DCST2: variants seen among roughly 807,000 people sequenced by gnomAD.
DCST2 encodes DC-STAMP domain-containing protein 2.
Under a neutral mutation model 81.8 loss-of-function variants are expected in DCST2, and 64 were observed. The observed-to-expected ratio is 0.78, with a 90% CI of 0.64 to 0.96. DCST2 has a LOEUF of 0.96. DCST2 is among the 40% of genes least tolerant of loss of function. The probability of loss-of-function intolerance (pLI) is 0.00; values close to 1 mark genes in which losing one functional copy is unlikely to be tolerated. For synonymous variants in DCST2, 354 were observed against 402.6 expected, an observed-to-expected ratio of 0.88 and a Z score of 1.44; for missense variants, 945 against 1,001.4, an observed-to-expected ratio of 0.94 and a Z score of 0.76.
intron 3 of DCST2, among the ~76,000 whole-genome samples, 194 bp from the exon 4 acceptor site, chr1:155,031,965 C>T (rs889178724): frequency 1.3e-5 from 2 of 152,112 alleles, no homozygotes; most frequent in African/African-American, 4.8e-5. Flanking sequence ...GGTGAGGAGA[C>T]TGAATTTTTT....
chr1:155,026,350 G>C lies in DCST2; in HGVS notation c.1563C>G (p.Ser521Arg), dbSNP rs1218006962. Residue 521 changes from serine to arginine, a missense_variant, in exon 10 of 15, where the codon AGC becomes AGG. Transcript: ENST00000368424. ...FFITLFGSYV[S>R]RLRRVICASY... ...AGGCACAGATGACTCGCCGCAGCCG[G>C]CTGACATAGCTGCCAAACAGGGTGA... 1 of 1,613,844 alleles carries C rather than the reference G, an allele frequency of 6.2e-7. No homozygotes were observed. The highest frequency in any genetic ancestry group is 1.7e-5 in the Admixed American group (1 of 60,026).
intron 12 of DCST2, 155 bp from the exon 13 acceptor site, chr1:155,023,612 A>G (rs1659815461): frequency 1.3e-6 from 2 of 1,546,598 alleles, no homozygotes; most frequent in Non-Finnish European, 1.7e-6. Flanking sequence ...TGCCACTTGC[A>G]TATAAATCCT....
chr1:155,030,779 C>G, intron 5 of DCST2, 134 bp from the exon 6 acceptor site: 2 of 893,126 alleles, frequency 2.2e-6, no homozygotes, highest in Non-Finnish European at 3.4e-6. Flanking sequence ...GTGCTTGGGT[C>G]AAGGTGGACT....
rs1321842318 is a variant in DCST2 at position 155,023,876 on chromosome 1, C to T, written c.1826G>A (p.Gly609Glu). The change falls in exon 12 of 15, where the codon GGA becomes GAA. Residue 609 changes from glycine to glutamate, a missense_variant. Gly to Glu is a moderately conservative substitution (Grantham distance 98). Transcript: ENST00000368424. ...CLGCGQPQDE[G>E]DMENTVSCST... is the part of the protein sequence containing the mutation. ...GCAGGACACAGTGTTCTCCATGTCT[C>T]CCTCATCCTGGGGCTGCCCACAGCC... The T allele has an allele frequency of 1.1e-5, 17 of 1,613,676 alleles. No individual in the cohort carries two copies. Among genetic ancestry groups the T allele is most frequent in the Non-Finnish European group, 1.4e-5 (17 of 1,179,934 alleles).
chr1:155,026,866 G>A, intron 8 of DCST2, 151 bp from the exon 9 acceptor site: 2 of 884,248 alleles, frequency 2.3e-6, no homozygotes, highest in Non-Finnish European at 3.5e-6. Context: ...CACCCTCATG[G>A]TGCCCTGGGG....
Position 155,023,122 on chromosome 1 carries a change from C to T in DCST2, c.2100G>A (p.Glu700=), listed in dbSNP as rs1055863670. Residue 700 remains glutamate (E), a synonymous_variant, in exon 14 of 15, where the codon GAG becomes GAA. Transcript: ENST00000368424. ...GRSLSMESTS[E]SSDLDEEKGP... is the part of the protein sequence containing the mutation. ...AACTCCTGCTTCCTGCTCACCTGGA[C>T]TCGGAAGTGGACTCCATTGAGAGGC... is the stretch of plus-strand genomic sequence containing the variant. The T allele has an allele frequency of 6.2e-7, 1 of 1,612,078 alleles. No homozygotes were observed. Among genetic ancestry groups the T allele is most frequent in the Non-Finnish European group, 8.5e-7 (1 of 1,179,932 alleles).
intron 14 of DCST2, 125 bp downstream of exon 14, chr1:155,022,992 C>T: frequency 2.1e-6 from 3 of 1,430,594 alleles, no homozygotes; most frequent in Non-Finnish European, 2.8e-6. Flanking sequence ...TCAGTTACTT[C>T]CCCTCCCCTC....
chr1:155,025,677 T>C (rs7536751), intron 10 of DCST2, among the ~76,000 whole-genome samples: 151,547 of 151,858 alleles, frequency 1, 75,618 homozygotes, highest in Middle Eastern at 1. Flanking sequence ...TGCCCCCACC[T>C]CACCACCATG....
At chr1:155,027,065 C>T (rs539990468) in intron 8 of DCST2, among the ~76,000 whole-genome samples, 1 of 152,090 alleles carries the variant, frequency 6.6e-6, no homozygotes, top group South Asian at 2.1e-4. Context: ...CAGGGTTTCA[C>T]TTTGTCACCC....
intron 14 of DCST2, among the ~76,000 whole-genome samples, chr1:155,021,116 T>C (rs1411192754): frequency 6.6e-6 from 1 of 151,944 alleles, no homozygotes; most frequent in Non-Finnish European, 1.5e-5. Flanking sequence ...TCTCCTGCCT[T>C]AGCCTCCTGA....
intron 14 of DCST2, 21 bp from the exon 15 acceptor site, chr1:155,018,781 G>T (rs1333683229): frequency 6.2e-7 from 1 of 1,606,732 alleles, no homozygotes; most frequent in East Asian, 2.2e-5. Context: ...GAGGAAGGGG[G>T]TGGCCGGATC....
In DCST2 at chr1:155,033,553, T is replaced by C. The variant is rs775044356; in HGVS notation, c.149A>G (p.His50Arg). Residue 50 changes from histidine to arginine, a missense_variant, in exon 1 of 15, where the codon CAC becomes CGC. Transcript: ENST00000368424. ...GCCCACCAGGCAACCCCAGGGGCTGTGGCCTTCCACCAGTAGCTCCAGAAG... is the reference window on the plus strand; with the variant it reads ...GCCCACCAGGCAACCCCAGGGGCTGCGGCCTTCCACCAGTAGCTCCAGAAG... ...YGLLELLVEG[H>R]SPWGCLVGTL... is the part of the protein sequence containing the mutation. The C allele has an allele frequency of 2.5e-6, 4 of 1,614,124 alleles. No individual in the cohort carries two copies. Among genetic ancestry groups the C allele is most frequent in the Non-Finnish European group, 3.4e-6 (4 of 1,180,018 alleles).
intron 2 of DCST2, 68 bp from the exon 3 acceptor site, chr1:155,032,836 T>A: frequency 6.9e-7 from 1 of 1,442,586 alleles, no homozygotes; most frequent in Non-Finnish European, 9.7e-7. Context: ...CCATTGCCCC[T>A]TAAGCAGGGA....
chr1:155,022,438 C>G (rs772291188), intron 14 of DCST2, among the ~76,000 whole-genome samples: 17 of 152,202 alleles, frequency 1.1e-4, no homozygotes, highest in South Asian at 2.1e-4. Flanking sequence ...AAATCCAGCC[C>G]GTGGCCAGGC....
At chr1:155,023,778 A>G (rs1408875940) in intron 12 of DCST2, 54 bp downstream of exon 12, 1 of 1,608,718 alleles carries the variant, frequency 6.2e-7, no homozygotes, top group African/African-American at 1.3e-5. Flanking sequence ...GGATTGTCAT[A>G]TGCAAGTGGG....
At chr1:155,032,174 T>C (rs1660111415) in intron 3 of DCST2, among the ~76,000 whole-genome samples, 3 of 151,998 alleles carry the variant, frequency 2.0e-5, no homozygotes, top group African/African-American at 4.8e-5. Context: ...TTTGTATTTT[T>C]AGTAGAGACG....
rs998080784 is a variant in DCST2 at position 155,026,496 on chromosome 1, C to G, written c.1510+52G>C. The stretch of plus-strand genomic sequence containing the variant: ...CACATCCTCAGCAGTCTGCACCCCT[C>G]ATTTCCCACATGGTGTCCACGCCCC... On this transcript the variant is annotated intron_variant, in intron 9 of 14. Transcript: ENST00000368424. 1.9e-6 allele frequency: 3 copies of G among 1,612,734 alleles called. No homozygotes were observed. In the South Asian group the frequency reaches 3.3e-5, roughly 18 times the overall value.
At chr1:155,020,657 A>G (rs1659728245) in intron 14 of DCST2, among the ~76,000 whole-genome samples, 1 of 152,042 alleles carries the variant, frequency 6.6e-6, no homozygotes, top group African/African-American at 2.4e-5. Flanking sequence ...GTGAGCCACC[A>G]CACCCAGCCT....
At position 155,030,365 on chromosome 1, in the gene DCST2, T is replaced by G. The variant is rs1660037401; in HGVS notation, c.1019+67A>C. ...GATGCTGGGGCAGGGAGAAATGAGC[T>G]GCTCCCTGCAGCCCTGGCCCTGCAC... On this transcript the variant is annotated intron_variant, in intron 6 of 14. Coordinates refer to ENST00000368424, the MANE Select transcript of DCST2 (RefSeq NM_144622.3). 2.6e-5 allele frequency: 41 copies of G among 1,594,898 alleles called. No homozygotes were observed. In the South Asian group the frequency reaches 4.2e-4, roughly 16 times the overall value.
Sources: allele counts gnomAD v4.1 joint callset (sites outside exome capture counted in the v4.1 genomes callset), GRCh38; gene constraint gnomAD v4.1.1; transcripts MANE v1.5; gene names NCBI Gene and HGNC (gene_info 2026-07-23, HGNC 2026-07-21).